Variants in HAUS6 observed in about 807,000 individuals in gnomAD.
The protein encoded by HAUS6 is HAUS augmin-like complex subunit 6.
A neutral mutation model predicts 106.8 loss-of-function variants in HAUS6; 80 were observed. That is an observed-to-expected ratio of 0.75 (90% CI 0.63 to 0.90). The LOEUF is 0.90. Ranked by LOEUF, HAUS6 falls within the 40% of genes least tolerant of loss-of-function variation. The pLI is 0.00. For missense variants in HAUS6, 1,155 were observed against 1,118.1 expected, an observed-to-expected ratio of 1.03 and a Z score of -0.47; for synonymous variants, 356 against 379.1, an observed-to-expected ratio of 0.94 and a Z score of 0.71.
chr9:19,099,574 C>T (rs908085609), intron 1 of HAUS6, among the ~76,000 whole-genome samples: 4 of 152,256 alleles, frequency 2.6e-5, no homozygotes, highest in East Asian at 1.9e-4. Flanking sequence ...AAGCAATACT[C>T]CCACCTTGCC....
At chr9:19,060,881 GC>G (rs1836599167) in intron 14 of HAUS6, among the ~76,000 whole-genome samples, 1 of 152,222 alleles carries the variant, frequency 6.6e-6, no homozygotes, top group African/African-American at 2.4e-5. Flanking sequence ...GACCCAAGAG[GC>G]CGGGCATGGT....
At position 19,058,069 on chromosome 9, in the gene HAUS6, T is replaced by A. The variant is rs759660216; in HGVS notation, c.2698A>T (p.Ile900Phe). ...EHIKPSLRTS[I>F]GERKRSLSPL... ...GAAAGAGACCGTTTTCTTTCACCGATGGACGTGCGTAAAGATGGCTTTATA... is the reference window on the plus strand; with the variant it reads ...GAAAGAGACCGTTTTCTTTCACCGAAGGACGTGCGTAAAGATGGCTTTATA... The change falls in exon 16 of 17, where the codon ATC (isoleucine) becomes TTC (phenylalanine). Residue 900 changes from isoleucine to phenylalanine, a missense_variant. By Grantham distance (21) the Ile-to-Phe change is conservative (BLOSUM62 0). Around this residue, in one of 3 missense-constraint regions of HAUS6, gnomAD observed 380 missense variants for 394.8 expected, o/e 0.96. Coordinates refer to ENST00000380502, the MANE Select transcript of HAUS6 (RefSeq NM_017645.5). 3 of 1,614,004 alleles carry A rather than the reference T, an allele frequency of 1.9e-6. No homozygotes were observed. Among genetic ancestry groups the A allele is most frequent in the South Asian group, 2.2e-5 (2 of 91,076 alleles).
chr9:19,080,931 G>T (rs892240067), intron 8 of HAUS6, among the ~76,000 whole-genome samples: 1 of 152,042 alleles, frequency 6.6e-6, no homozygotes, highest in Admixed American at 6.6e-5. Context: ...AATTAGCTGG[G>T]CGTGGTGGCA....
chr9:19,088,678 G>A (rs897157384), intron 5 of HAUS6, among the ~76,000 whole-genome samples: 2 of 150,390 alleles, frequency 1.3e-5, no homozygotes, highest in African/African-American at 4.9e-5. Context: ...GACCAGCATG[G>A]TCAACATGGC....
chr9:19,060,821 C>T (rs1206872054), intron 14 of HAUS6, among the ~76,000 whole-genome samples: 2 of 152,180 alleles, frequency 1.3e-5, no homozygotes, highest in East Asian at 3.8e-4. Flanking sequence ...ATTAAAAACT[C>T]TGCCCCCGAC....
intron 9 of HAUS6, 21 bp downstream of exon 9, chr9:19,080,458 T>C: frequency 6.5e-7 from 1 of 1,529,130 alleles, no homozygotes; most frequent in Non-Finnish European, 9.0e-7. Flanking sequence ...CACAGTAAAA[T>C]AACAGATCTT....
chr9:19,080,155 C>G (rs1425700601), intron 9 of HAUS6, among the ~76,000 whole-genome samples: 3 of 115,930 alleles, frequency 2.6e-5, no homozygotes, highest in African/African-American at 1.1e-4. Context: ...GCCTGGGCAA[C>G]GAGAGCGAAA....
chr9:19,074,842 T>C (rs1459849658), intron 11 of HAUS6, among the ~76,000 whole-genome samples: 2 of 152,216 alleles, frequency 1.3e-5, no homozygotes, highest in African/African-American at 2.4e-5. Context: ...CAGAACCTAA[T>C]TGTCTTGTAC....
chr9:19,053,474 G>A lies in HAUS6; in HGVS notation c.*2869C>T, dbSNP rs1427965805. On this transcript the variant is annotated 3_prime_UTR_variant, in exon 17 of 17. Coordinates refer to ENST00000380502, the MANE Select transcript of HAUS6 (RefSeq NM_017645.5). ...TCAAGAGTCTCATGGTAAAGAAAAG[G>A]TATCAAAATACTCATATTTTTGTTT... is the stretch of plus-strand genomic sequence containing the variant. The A allele has an allele frequency of 2.6e-5, 4 of 152,066 alleles. No individual in the cohort carries two copies. The allele number at this position is 152,066 out of a possible 1,614,324, so 9.4% of individuals were successfully genotyped here.
At chr9:19,065,151 AT>A (rs1386376858) in intron 12 of HAUS6, 2 of 152,230 alleles carry the variant, frequency 1.3e-5, no homozygotes, top group Admixed American at 6.5e-5. Flanking sequence ...GCAGAGAACA[AT>A]GGAAACATTC....
At chr9:19,101,466 G>A (rs1817985767) in intron 1 of HAUS6, among the ~76,000 whole-genome samples, 1 of 152,104 alleles carries the variant, frequency 6.6e-6, no homozygotes, top group Admixed American at 6.6e-5. Context: ...ACTCCAGACT[G>A]GGCGACAGAG....
At chr9:19,090,307 T>C (rs1191832559) in intron 4 of HAUS6, among the ~76,000 whole-genome samples, 2 of 152,200 alleles carry the variant, frequency 1.3e-5, no homozygotes, top group Non-Finnish European at 2.9e-5. Context: ...CGTAATAGTG[T>C]ATTTATTTAT....
chr9:19,061,096 G>A (rs568863257), intron 14 of HAUS6, among the ~76,000 whole-genome samples: 7 of 152,334 alleles, frequency 4.6e-5, no homozygotes, highest in East Asian at 1.9e-4. Flanking sequence ...CCCGGGAGGC[G>A]GAGGCTGCGG....
intron 2 of HAUS6, among the ~76,000 whole-genome samples, chr9:19,095,285 C>A (rs751643721): frequency 1.3e-5 from 2 of 152,046 alleles, no homozygotes; most frequent in Non-Finnish European, 2.9e-5. Context: ...TCAGGCTTTT[C>A]CAAATTTTTA....
intron 10 of HAUS6, among the ~76,000 whole-genome samples, chr9:19,077,895 T>G (rs1290383173): frequency 6.6e-6 from 1 of 151,990 alleles, no homozygotes; most frequent in Non-Finnish European, 1.5e-5. Context: ...ACCCTATCTA[T>G]AAAATTAAAG....
At chr9:19,068,995 T>C (rs1251272069) in intron 12 of HAUS6, among the ~76,000 whole-genome samples, 1 of 152,178 alleles carries the variant, frequency 6.6e-6, no homozygotes. Flanking sequence ...CAATTTTTTT[T>C]TAAGCATGGA....
At chr9:19,069,949 A>G (rs778859400) in intron 12 of HAUS6, among the ~76,000 whole-genome samples, 20 of 152,058 alleles carry the variant, frequency 1.3e-4, no homozygotes, top group Non-Finnish European at 2.8e-4. Context: ...CTTTTAGTAC[A>G]GACAGGGTCT....
intron 16 of HAUS6, chr9:19,057,139 A>G (rs1419560958): frequency 6.6e-6 from 1 of 152,350 alleles, no homozygotes; most frequent in East Asian, 1.9e-4. Context: ...CCCCAAAAAC[A>G]TATGTTGAAG....
rs1836441989 is a variant in HAUS6, at chr9:19,055,166, T to A, written c.*1177A>T. The A allele has an allele frequency of 6.6e-6, 1 of 152,166 alleles. No homozygotes were observed. Among genetic ancestry groups the A allele is most frequent in the African/African-American group, 2.4e-5 (1 of 41,442 alleles). The allele number at this position is 152,166 out of a possible 1,614,324, so 9.4% of individuals were successfully genotyped here. The stretch of plus-strand genomic sequence containing the variant: ...TATTAAGCCATCTACTTCCATAAAT[T>A]TCCCCTCCACCTTCTTTCCTTGCCA... On this transcript the variant is annotated 3_prime_UTR_variant, in exon 17 of 17. Transcript: ENST00000380502.
Sources: gnomAD v4.1 joint callset for allele counts (sites outside exome capture counted in the v4.1 genomes callset) on GRCh38, gnomAD v4.1.1 for gene constraint, gnomAD v4.1.1 regional missense constraint, MANE v1.5 for transcripts, NCBI Gene and HGNC (gene_info 2026-07-23, HGNC 2026-07-21) for gene names.